TCF7L2: variants seen among roughly 807,000 people sequenced by gnomAD.
The protein encoded by TCF7L2 is transcription factor 7 like 2.
A neutral mutation model predicts 77.9 loss-of-function variants in TCF7L2; 23 were observed. The observed-to-expected ratio is 0.30, with a 90% CI of 0.21 to 0.42. The LOEUF is 0.42. Among genes scored for constraint, TCF7L2 ranks in the 10% least tolerant of loss-of-function variants. The probability of loss-of-function intolerance (pLI) is 1.00; values close to 1 mark genes in which losing one functional copy is unlikely to be tolerated. For missense variants in TCF7L2, 654 were observed against 793.1 expected (o/e 0.82, Z 2.11); for synonymous variants, 413 against 340.2 (o/e 1.21, Z -2.36).
chr10:113,129,491 A>T (rs2066207334), intron 5 of TCF7L2: 7 of 1,015,986 alleles, frequency 6.9e-6, no homozygotes, highest in African/African-American at 5.2e-5. Flanking sequence ...AGGAGTTTTT[A>T]AAATTTTTTT....
chr10:113,141,170 TCTC>T lies in TCF7L2; in HGVS notation c.553-9_553-7del, dbSNP rs755092710. 13 of 1,613,362 alleles carry T rather than the reference TCTC, an allele frequency of 8.1e-6. No homozygotes were observed. In the South Asian group the frequency reaches 1.2e-4, roughly 15 times the overall value. On this transcript the variant is annotated splice_polypyrimidine_tract_variant and intron_variant, in intron 5 of 13. Coordinates refer to ENST00000627217, the MANE Select transcript of TCF7L2 (RefSeq NM_001146274.2). ...CCGGCTTGACGGTGTCTTTCTCTGT[TCTC>T]CTCCCCACAGTCTAACAAAGTGCCA...
At chr10:113,080,602 T>C (rs2059222997) in intron 5 of TCF7L2, among the ~76,000 whole-genome samples, 1 of 152,208 alleles carries the variant, frequency 6.6e-6, no homozygotes, top group Non-Finnish European at 1.5e-5. Flanking sequence ...CTTTGTATGC[T>C]CCCATTGGGA....
At chr10:113,062,788 G>A (rs1428326921) in intron 5 of TCF7L2, among the ~76,000 whole-genome samples, 2 of 152,120 alleles carry the variant, frequency 1.3e-5, no homozygotes, top group African/African-American at 4.8e-5. Context: ...TCCCCCTGGG[G>A]TCTCTAGCCC....
chr10:113,050,996 A>G (rs1315110977), intron 5 of TCF7L2, among the ~76,000 whole-genome samples: 1 of 150,956 alleles, frequency 6.6e-6, no homozygotes, highest in Non-Finnish European at 1.5e-5. Context: ...CTGTCTCTAC[A>G]CATTTTTTTT....
At chr10:113,068,580 A>T (rs1356788688) in intron 5 of TCF7L2, among the ~76,000 whole-genome samples, 1 of 152,104 alleles carries the variant, frequency 6.6e-6, no homozygotes, top group African/African-American at 2.4e-5. Flanking sequence ...GAGTTCAAAC[A>T]CTAAACACGG....
intron 4 of TCF7L2, among the ~76,000 whole-genome samples, chr10:112,983,332 A>G (rs182610315): frequency 0.033 from 5,056 of 151,926 alleles, 125 homozygotes; most frequent in African/African-American, 0.055. Flanking sequence ...TTAGCAGGGC[A>G]TGGTGGTGGG....
chr10:112,965,387 C>G (rs1440694919), intron 4 of TCF7L2, among the ~76,000 whole-genome samples: 1 of 152,222 alleles, frequency 6.6e-6, no homozygotes, highest in Non-Finnish European at 1.5e-5. Flanking sequence ...TTTCGTCTGT[C>G]TGCCTGGCCT....
At chr10:112,951,747 C>T (rs1180611448) in intron 3 of TCF7L2, 140 bp downstream of exon 3, 6 of 316,506 alleles carry the variant, frequency 1.9e-5, no homozygotes, top group African/African-American at 1.4e-4. Context: ...CTCCCCCGCT[C>T]GTGGCCCAGG....
chr10:113,121,742 AACAC>A (rs10543361), intron 5 of TCF7L2, among the ~76,000 whole-genome samples: 46 of 150,966 alleles, frequency 3.0e-4, no homozygotes, highest in Admixed American at 1.1e-3. Flanking sequence ...ACATACACAC[AACAC>A]ACACACACGT....
intron 11 of TCF7L2, chr10:113,157,683 T>C (rs1885510): frequency 0.16 from 39,160 of 243,988 alleles, 3,980 homozygotes; most frequent in Admixed American, 0.24. Context: ...CCCACTCCTC[T>C]CTGAATCTTC....
rs150691578 is a variant in TCF7L2 at position 113,151,767 on chromosome 10, C to G, written c.1044C>G (p.Pro348=). The change falls in exon 10 of 14, where the codon CCC becomes CCG. Residue 348 remains proline (P), a synonymous_variant. Coordinates refer to ENST00000627217, the MANE Select transcript of TCF7L2 (RefSeq NM_001146274.2). The surrounding 1 kb of genome is among the most constrained non-coding windows in gnomAD (Gnocchi z 5.2). ...AAAAGGAAGAAGAAAAGAAGAAGCCCCACATAAAGAAACCTCTTAATGCAT... is the reference window on the plus strand; with the variant it reads ...AAAAGGAAGAAGAAAAGAAGAAGCCGCACATAAAGAAACCTCTTAATGCAT... The G allele has an allele frequency of 1.2e-6, 2 of 1,609,844 alleles. No individual in the cohort carries two copies. The highest frequency in any genetic ancestry group is 2.7e-5 in the African/African-American group (2 of 74,416).
intron 4 of TCF7L2, among the ~76,000 whole-genome samples, chr10:112,974,216 G>A (rs1283773193): frequency 1.3e-5 from 2 of 152,108 alleles, no homozygotes; most frequent in African/African-American, 4.8e-5. Context: ...TTATATCATT[G>A]TATTTGTACG....
intron 12 of TCF7L2, among the ~76,000 whole-genome samples, chr10:113,159,346 G>A (rs1009743438): frequency 1.7e-4 from 26 of 151,888 alleles, no homozygotes; most frequent in South Asian, 2.1e-4. Context: ...AAAGACGAAC[G>A]TTCCAAAAGC....
At chr10:113,146,208 G>C in intron 8 of TCF7L2, 111 bp downstream of exon 8, 1 of 1,000,688 alleles carries the variant, frequency 1.0e-6, no homozygotes, top group Admixed American at 1.9e-5. Context: ...AGTTCTATTA[G>C]TGTAAAGCCA....
intron 5 of TCF7L2, among the ~76,000 whole-genome samples, chr10:113,056,893 C>T (rs1231913310): frequency 1.3e-5 from 2 of 152,150 alleles, no homozygotes; most frequent in Admixed American, 6.5e-5. Flanking sequence ...ACAGTTCCTG[C>T]CTTGGGCCTC....
At chr10:113,067,583 A>G (rs1242763891) in intron 5 of TCF7L2, among the ~76,000 whole-genome samples, 2 of 152,210 alleles carry the variant, frequency 1.3e-5, no homozygotes, top group Non-Finnish European at 2.9e-5. Flanking sequence ...AAGTAGTGCT[A>G]GGCTTTTGAT....
chr10:113,033,851 C>T (rs2050673971), intron 4 of TCF7L2, among the ~76,000 whole-genome samples: 1 of 152,160 alleles, frequency 6.6e-6, no homozygotes, highest in African/African-American at 2.4e-5. Context: ...TGTAATGATG[C>T]CCCTTACAAT....
chr10:113,036,151 TCA>T (rs2051199562), intron 4 of TCF7L2, among the ~76,000 whole-genome samples: 1 of 148,554 alleles, frequency 6.7e-6, no homozygotes, highest in Non-Finnish European at 1.5e-5. Context: ...ATCATCATCA[TCA>T]TCATCATCAT....
At chr10:113,156,955 C>G (rs914791000) in intron 11 of TCF7L2, among the ~76,000 whole-genome samples, 3 of 152,242 alleles carry the variant, frequency 2.0e-5, no homozygotes, top group African/African-American at 7.2e-5. Context: ...ATGAGTCCAT[C>G]TGCGTAGCAC....
Sources: gnomAD v4.1 joint callset for allele counts (sites outside exome capture counted in the v4.1 genomes callset) on GRCh38, gnomAD v4.1.1 for gene constraint, Gnocchi (gnomAD v3.1) non-coding constraint, MANE v1.5 for transcripts, NCBI Gene and HGNC (gene_info 2026-07-23, HGNC 2026-07-21) for gene names.